TMEM131: variants seen among roughly 807,000 people sequenced by gnomAD.
TMEM131 encodes 2610524E03Rik.
A neutral mutation model predicts 211.6 loss-of-function variants in TMEM131; 66 were observed. The ratio of observed to expected loss-of-function variants is 0.31; its 90% CI spans 0.26 to 0.38. TMEM131 has a LOEUF of 0.38. TMEM131 is among the 10% of genes least tolerant of loss of function. The pLI is 1.00. For missense variants in TMEM131, 2,036 were observed against 2,299.3 expected (o/e 0.89, Z 2.34); for synonymous variants, 844 against 841.3 (o/e 1.00, Z -0.06).
intron 2 of TMEM131, among the ~76,000 whole-genome samples, chr2:97,919,877 G>A (rs1676670366): frequency 6.6e-6 from 1 of 152,166 alleles, no homozygotes; most frequent in South Asian, 2.1e-4. Context: ...GCCTGGCTTT[G>A]ATTTCCAATA....
In TMEM131 at chr2:97,772,437, G is replaced by A. The variant is rs773717260; in HGVS notation, c.4321-13C>T. The A allele has an allele frequency of 6.2e-7, 1 of 1,607,926 alleles. No individual in the cohort carries two copies. On this transcript the variant is annotated splice_polypyrimidine_tract_variant and intron_variant, in intron 32 of 40. Coordinates refer to ENST00000186436, the MANE Select transcript of TMEM131 (RefSeq NM_015348.2). ...GCTTTTCTGTATCCTGTAAAAAATG[G>A]ACACTTAATTGCTGAGAAGGATTAA...
At chr2:97,900,131 G>A (rs527392023) in intron 3 of TMEM131, among the ~76,000 whole-genome samples, 7 of 152,164 alleles carry the variant, frequency 4.6e-5, no homozygotes, top group Non-Finnish European at 7.4e-5. Context: ...AGTATCAGTC[G>A]TTTACTCTCT....
chr2:97,916,266 G>T (rs1031291143), intron 2 of TMEM131, among the ~76,000 whole-genome samples: 2 of 152,198 alleles, frequency 1.3e-5, no homozygotes. Context: ...ACCACTTATT[G>T]TACTACAATA....
chr2:97,818,029 G>A (rs1681917383), intron 12 of TMEM131, among the ~76,000 whole-genome samples: 1 of 152,160 alleles, frequency 6.6e-6, no homozygotes, highest in Non-Finnish European at 1.5e-5. Flanking sequence ...TCCAATTAAA[G>A]TAGGCAAAAC....
At chr2:97,773,772 C>CTTT (rs1357201995) in intron 32 of TMEM131, among the ~76,000 whole-genome samples, 1 of 151,862 alleles carries the variant, frequency 6.6e-6, no homozygotes, top group African/African-American at 2.4e-5. Flanking sequence ...CCAGCTAATT[C>CTTT]TTGTATTTTT....
rs1189481949 is a variant in TMEM131 at position 97,841,949 on chromosome 2, G to A, written c.601-12C>T. ...CCAACACCAAATACCTGTTTCAGTG[G>A]AGGAAAAAAATGCAATTTTAGTTGC... On this transcript the variant is annotated splice_polypyrimidine_tract_variant and intron_variant, in intron 6 of 40. Transcript: ENST00000186436. 1 of 1,512,754 alleles carries A rather than the reference G, an allele frequency of 6.6e-7. No homozygotes were observed. The highest frequency in any genetic ancestry group is 2.4e-5 in the East Asian group (1 of 42,054). 93.7% of individuals were successfully genotyped at this position (1,512,754 alleles called of 1,614,324 possible).
chr2:97,892,905 T>C (rs1036459463), intron 3 of TMEM131, among the ~76,000 whole-genome samples: 8 of 152,186 alleles, frequency 5.3e-5, no homozygotes, highest in Non-Finnish European at 7.3e-5. Flanking sequence ...AAAAAGACTT[T>C]TTTTTAATAT....
chr2:97,941,690 A>G (rs945352714), intron 1 of TMEM131, among the ~76,000 whole-genome samples: 1 of 152,362 alleles, frequency 6.6e-6, no homozygotes, highest in Admixed American at 6.5e-5. Flanking sequence ...TTCTCAAAAG[A>G]AGACACTTAT....
intron 1 of TMEM131, among the ~76,000 whole-genome samples, chr2:97,956,465 C>T (rs2104551529): frequency 6.6e-6 from 1 of 151,494 alleles, no homozygotes; most frequent in South Asian, 2.1e-4. Context: ...TTACTTTGAT[C>T]AAAGTTTCAG....
At chr2:97,849,057 C>T (rs1683576852) in intron 5 of TMEM131, among the ~76,000 whole-genome samples, 1 of 152,070 alleles carries the variant, frequency 6.6e-6, no homozygotes, top group Non-Finnish European at 1.5e-5. Context: ...AAAAGATGCT[C>T]AAAATCAATT....
intron 22 of TMEM131, among the ~76,000 whole-genome samples, chr2:97,803,009 G>T (rs1681106911): frequency 6.6e-6 from 1 of 152,166 alleles, no homozygotes; most frequent in South Asian, 2.1e-4. Context: ...CTCTGTTTCT[G>T]TACTGAATAT....
At chr2:97,894,703 T>C (rs754356236) in intron 3 of TMEM131, among the ~76,000 whole-genome samples, 5 of 152,174 alleles carry the variant, frequency 3.3e-5, no homozygotes, top group Non-Finnish European at 5.9e-5. Context: ...GGAACGCTTG[T>C]GATTTTTGCA....
intron 26 of TMEM131, 21 bp downstream of exon 26, chr2:97,797,344 C>T: frequency 6.4e-7 from 1 of 1,563,476 alleles, no homozygotes; most frequent in Non-Finnish European, 8.6e-7. Flanking sequence ...AATGAACCCA[C>T]ACCTATATCA....
rs954602776 is a variant in TMEM131, at chr2:97,805,701, C to T, written c.2058G>A (p.Gly686=). ...TATTTAAACTTTGATGAACTATTTT[C>T]CCCTGAAGGAAGAAAGCAAAGAACA... ...KHVVLPPSFP[G]KIVHQSLNIM... is the part of the protein sequence containing the mutation. The change falls in exon 20 of 41, where the codon GGG becomes GGA. Residue 686 remains glycine (G), a splice_region_variant and synonymous_variant. Coordinates refer to ENST00000186436, the MANE Select transcript of TMEM131 (RefSeq NM_015348.2). 6.3e-6 allele frequency: 10 copies of T among 1,584,040 alleles called. No homozygotes were observed. The highest frequency in any genetic ancestry group is 2.3e-5 in the East Asian group (1 of 44,342).
At chr2:97,991,518 G>A (rs1382163174) in intron 1 of TMEM131, among the ~76,000 whole-genome samples, 1 of 152,154 alleles carries the variant, frequency 6.6e-6, no homozygotes, top group African/African-American at 2.4e-5. Context: ...ACTGGAGGTG[G>A]CGCAAGATAA....
chr2:97,771,353 T>C (rs537626512), intron 33 of TMEM131, among the ~76,000 whole-genome samples: 1 of 152,338 alleles, frequency 6.6e-6, no homozygotes, highest in Non-Finnish European at 1.5e-5. Context: ...GGACTGGCCC[T>C]GCCTGAAGCC....
intron 36 of TMEM131, 91 bp downstream of exon 36, chr2:97,761,944 T>C: frequency 7.4e-7 from 1 of 1,354,168 alleles, no homozygotes; most frequent in Non-Finnish European, 9.8e-7. Flanking sequence ...GACAGTGGCC[T>C]GTGGCCGCTA....
Position 97,929,569 on chromosome 2 carries a change from C to T in TMEM131, c.188-2082G>A, listed in dbSNP as rs182375517. ...GATACTAGTTAATTAGATTACATTA[C>T]CTCGTTGGATGTTTTTTCTGCCTGC... On this transcript the variant is annotated intron_variant, in intron 1 of 40. Transcript: ENST00000186436. 8.7e-4 allele frequency among the ~76,000 whole-genome samples: 132 copies of T among 151,842 alleles called. 1 individual carries two copies. The highest frequency in any genetic ancestry group is 1.5e-3 in the Non-Finnish European group (103 of 68,008).
chr2:97,835,431 C>A (rs1573436268), intron 8 of TMEM131, among the ~76,000 whole-genome samples: 1 of 152,302 alleles, frequency 6.6e-6, no homozygotes, highest in East Asian at 1.9e-4. Flanking sequence ...TCAAGTAAAT[C>A]CACAGTTTAC....
Sources: gnomAD v4.1 joint callset for allele counts (sites outside exome capture counted in the v4.1 genomes callset) on GRCh38, gnomAD v4.1.1 for gene constraint, MANE v1.5 for transcripts, NCBI Gene and HGNC (gene_info 2026-07-23, HGNC 2026-07-21) for gene names.